ZNF503: variants seen among roughly 807,000 people sequenced by gnomAD.
The protein encoded by ZNF503 is NocA-like zinc finger 2.
ZNF503 carries 15 observed loss-of-function variants against 34.4 expected under a neutral mutation model. That is an observed-to-expected ratio of 0.44 (90% CI 0.29 to 0.67). The LOEUF (loss-of-function observed/expected upper bound fraction) is 0.67, where lower values mean the gene tolerates loss of function less well. Ranked by LOEUF, ZNF503 falls within the 30% of genes least tolerant of loss-of-function variation. The pLI is 0.13. For synonymous variants in ZNF503, 580 were observed against 456.8 expected, an observed-to-expected ratio of 1.27 and a Z score of -3.44; for missense variants, 1,007 against 926.8, an observed-to-expected ratio of 1.09 and a Z score of -1.12.
At chr10:75,339,357 A>G in the ZNF503 span, among the ~76,000 whole-genome samples, 13 of 152,346 alleles carry the variant, frequency 8.5e-5, no homozygotes, top group African/African-American at 3.1e-4. Flanking sequence ...GAAGAGGAAA[A>G]TGGGGGCTAG....
At chr10:75,360,127 T>C in the ZNF503 span, among the ~76,000 whole-genome samples, 1,159 of 146,560 alleles carry the variant, frequency 7.9e-3, 5 homozygotes, top group South Asian at 0.013. Flanking sequence ...TTTTTTTTTT[T>C]TTTTTTTTTT....
chr10:75,332,608 C>G, the ZNF503 span, among the ~76,000 whole-genome samples: 1 of 145,160 alleles, frequency 6.9e-6, no homozygotes, highest in African/African-American at 2.6e-5. Context: ...TTTTCCTAGG[C>G]AGAGGACCCT....
At chr10:75,311,393 T>C in the ZNF503 span, among the ~76,000 whole-genome samples, 1 of 152,134 alleles carries the variant, frequency 6.6e-6, no homozygotes, top group African/African-American at 2.4e-5. Context: ...GAACAATACT[T>C]TTCATCCTTC....
At position 75,398,014 on chromosome 10, in the gene ZNF503, T is replaced by TTTTTTC. The variant is rs1330666511; in HGVS notation, c.*729_*734dup. 2.0e-5 allele frequency: 3 copies of TTTTTTC among 150,528 alleles called. No homozygotes were observed. The highest frequency in any genetic ancestry group is 7.6e-5 in the African/African-American group (3 of 39,540). The allele number at this position is 150,528 out of a possible 1,614,324, so 9.3% of individuals were successfully genotyped here. On this transcript the variant is annotated 3_prime_UTR_variant, in exon 2 of 2. Coordinates refer to ENST00000372524, the MANE Select transcript of ZNF503 (RefSeq NM_032772.6). ...AGGCAAATGAGGTTTTGGAATAGAA[T>TTTTTTC]TTTTTCTTTTTCTTTTTTTTTTTGT...
chr10:75,393,902 T>C (rs1589131555), downstream of ZNF503, among the ~76,000 whole-genome samples: 1 of 151,232 alleles, frequency 6.6e-6, no homozygotes, highest in East Asian at 1.9e-4. Flanking sequence ...AAAAAGAAAA[T>C]CCCCATTAAA....
the ZNF503 span, chr10:75,382,551 T>C: frequency 1.9e-6 from 1 of 514,200 alleles, no homozygotes; most frequent in Non-Finnish European, 3.6e-6. Context: ...GTGACTGGTG[T>C]CTCTTTCTCC....
At chr10:75,351,360 C>G in the ZNF503 span, among the ~76,000 whole-genome samples, 1 of 152,010 alleles carries the variant, frequency 6.6e-6, no homozygotes, top group Non-Finnish European at 1.5e-5. Flanking sequence ...TTAGTAGAGA[C>G]GGGGTTTCAC....
the ZNF503 span, among the ~76,000 whole-genome samples, chr10:75,319,028 C>T: frequency 2.6e-5 from 4 of 152,146 alleles, no homozygotes; most frequent in Admixed American, 6.6e-5. Context: ...GATGCAATCA[C>T]GGCTTACTGC....
chr10:75,285,909 G>A, the ZNF503 span, among the ~76,000 whole-genome samples: 1 of 152,184 alleles, frequency 6.6e-6, no homozygotes, highest in African/African-American at 2.4e-5. Context: ...TTGCGGCTGA[G>A]GGAGCGGGTC....
the ZNF503 span, among the ~76,000 whole-genome samples, chr10:75,375,476 T>C: frequency 6.6e-6 from 1 of 152,182 alleles, no homozygotes; most frequent in Non-Finnish European, 1.5e-5. Flanking sequence ...GCTTATGTTT[T>C]GAAAAGTTTT....
At chr10:75,388,716 C>T in the ZNF503 span, among the ~76,000 whole-genome samples, 2 of 152,328 alleles carry the variant, frequency 1.3e-5, no homozygotes, top group East Asian at 3.9e-4. Context: ...CACAAGTGTA[C>T]ACTGGGCTGT....
At chr10:75,332,468 C>CTTTTTTTTTTTTAATTTTTT in the ZNF503 span, among the ~76,000 whole-genome samples, 1 of 140,796 alleles carries the variant, frequency 7.1e-6, no homozygotes. Context: ...TTAAATTTTT[C>CTTTTTTTTTTTTAATTTTTT]TTTTTTTTTT....
the ZNF503 span, among the ~76,000 whole-genome samples, chr10:75,374,076 G>A: frequency 1.3e-5 from 2 of 152,252 alleles, no homozygotes; most frequent in Admixed American, 6.5e-5. Flanking sequence ...CACTTCGGGA[G>A]ACCGAGGCAG....
chr10:75,401,312 G>C lies in ZNF503; in HGVS notation c.108C>G (p.Leu36=). 5 of 1,550,164 alleles carry C rather than the reference G, an allele frequency of 3.2e-6. No individual in the cohort carries two copies. Among genetic ancestry groups the C allele is most frequent in the Non-Finnish European group, 4.3e-6 (5 of 1,151,028 alleles). Reference sequence around the variant, plus strand: ...GGCCGGGGCCGGAGCTATTTCCAGAGAGCGCGCTGGTCCAGGCAGGGTCTG... The same window carrying C: ...GGCCGGGGCCGGAGCTATTTCCAGACAGCGCGCTGGTCCAGGCAGGGTCTG... ...GGADPAWTSA[L]SGNSSGPGPG... is the part of the protein sequence containing the mutation. The change falls in exon 1 of 2, where the codon CTC becomes CTG. Residue 36 remains leucine (L), a synonymous_variant. Coordinates refer to ENST00000372524, the MANE Select transcript of ZNF503 (RefSeq NM_032772.6).
At chr10:75,316,068 T>C in the ZNF503 span, among the ~76,000 whole-genome samples, 259 of 152,306 alleles carry the variant, frequency 1.7e-3, no homozygotes, top group Non-Finnish European at 2.7e-3. Context: ...TACCTAAATA[T>C]ATAAGCAAAT....
chr10:75,315,679 C>G, the ZNF503 span, among the ~76,000 whole-genome samples: 5 of 152,066 alleles, frequency 3.3e-5, no homozygotes, highest in East Asian at 9.6e-4. Context: ...AAGAAAAGAA[C>G]AAAGAATCTA....
the ZNF503 span, among the ~76,000 whole-genome samples, chr10:75,344,163 G>C: frequency 6.6e-6 from 1 of 152,214 alleles, no homozygotes; most frequent in Non-Finnish European, 1.5e-5. Context: ...AGGCTCCTTG[G>C]GTGGGCCCTT....
chr10:75,359,958 G>C, the ZNF503 span, among the ~76,000 whole-genome samples: 1 of 151,994 alleles, frequency 6.6e-6, no homozygotes, highest in African/African-American at 2.4e-5. Context: ...CCTGCAATGA[G>C]AAGCTCTTGG....
the ZNF503 span, among the ~76,000 whole-genome samples, chr10:75,359,377 T>C: frequency 6.6e-6 from 1 of 152,228 alleles, no homozygotes; most frequent in African/African-American, 2.4e-5. Context: ...GGGAAGAGGG[T>C]TAGGTGGCTA....
Sources: gnomAD v4.1 joint callset for allele counts (sites outside exome capture counted in the v4.1 genomes callset) on GRCh38, gnomAD v4.1.1 for gene constraint, MANE v1.5 for transcripts, NCBI Gene and HGNC (gene_info 2026-07-23, HGNC 2026-07-21) for gene names.